Variants in TEX11 observed in about 807,000 individuals in gnomAD.
TEX11 encodes the protein testis expressed 11.
TEX11 carries 7 observed loss-of-function variants against 84.4 expected under a neutral mutation model. That is an observed-to-expected ratio of 0.08 (90% CI 0.05 to 0.16). The LOEUF (loss-of-function observed/expected upper bound fraction) is 0.16. Among genes scored for constraint, TEX11 ranks in the 10% least tolerant of loss-of-function variants. The probability of loss-of-function intolerance (pLI) is 1.00; values close to 1 mark genes in which losing one functional copy is unlikely to be tolerated. For synonymous variants in TEX11, 264 were observed against 222.8 expected (o/e 1.18, Z -1.64); for missense variants, 551 against 660.5 (o/e 0.83, Z 1.82).
chrX:70,569,226 G>A (rs867631592), intron 25 of TEX11, among the ~76,000 whole-genome samples: 2 of 111,589 alleles, frequency 1.8e-5, no homozygotes, highest in East Asian at 2.8e-4. Context: ...CATTCTTCAC[G>A]TAGTTCTTGA....
intron 25 of TEX11, among the ~76,000 whole-genome samples, chrX:70,589,301 T>G (rs1230929817): frequency 9.2e-6 from 1 of 109,093 alleles, no homozygotes; most frequent in African/African-American, 3.3e-5. Flanking sequence ...ACTCTGAAGA[T>G]TGCCTGAAGT....
intron 9 of TEX11, among the ~76,000 whole-genome samples, chrX:70,805,467 A>G (rs750431704): frequency 9.4e-6 from 1 of 105,944 alleles, no homozygotes; most frequent in South Asian, 4.2e-4. Context: ...GCGGTGCGAT[A>G]TCGGCTCACT....
intron 13 of TEX11, among the ~76,000 whole-genome samples, chrX:70,684,287 T>C (rs774771392): frequency 8.9e-6 from 1 of 112,550 alleles, no homozygotes; most frequent in Non-Finnish European, 1.9e-5. Context: ...TACAATAGCA[T>C]CAAAAATATA....
intron 24 of TEX11, among the ~76,000 whole-genome samples, chrX:70,601,437 G>A (rs2089107810): frequency 1.0e-5 from 1 of 97,851 alleles, no homozygotes; most frequent in South Asian, 5.5e-4. Context: ...TCTACCAGAG[G>A]TACAAGGAGG....
chrX:70,823,934 C>T (rs1458214933), intron 8 of TEX11, among the ~76,000 whole-genome samples: 1 of 111,431 alleles, frequency 9.0e-6, no homozygotes, highest in Non-Finnish European at 1.9e-5. Context: ...GCAGGAGAAT[C>T]ACTTAAATCT....
At chrX:70,650,383 A>T (rs1480198491) in intron 17 of TEX11, among the ~76,000 whole-genome samples, 1 of 111,961 alleles carries the variant, frequency 8.9e-6, no homozygotes, top group Non-Finnish European at 1.9e-5. Context: ...AAAGTAAAAT[A>T]ATTTTTAAAA....
At chrX:70,840,844 A>T (rs1165893187) in intron 7 of TEX11, among the ~76,000 whole-genome samples, 21 of 111,504 alleles carry the variant, frequency 1.9e-4, no homozygotes, top group African/African-American at 6.8e-4. Context: ...TCTCTGCTAA[A>T]ACAGACTTTA....
At chrX:70,535,641 G>C (rs1168141950) in intron 28 of TEX11, among the ~76,000 whole-genome samples, 2 of 110,533 alleles carry the variant, frequency 1.8e-5, no homozygotes, top group Non-Finnish European at 3.8e-5. Context: ...TCAGCTACTT[G>C]GGAGGCTGAG....
At chrX:70,611,469 C>T (rs987065177) in intron 20 of TEX11, among the ~76,000 whole-genome samples, 3 of 112,084 alleles carry the variant, frequency 2.7e-5, no homozygotes, top group Admixed American at 9.4e-5. Context: ...TTAAAAGACT[C>T]AGGAGGACCC....
intron 25 of TEX11, among the ~76,000 whole-genome samples, chrX:70,589,415 CTCTA>C (rs1293852244): frequency 2.8e-5 from 3 of 106,154 alleles, no homozygotes; most frequent in African/African-American, 1.0e-4. Context: ...AGGCATTTAT[CTCTA>C]TCTCACTATA....
Position 70,789,524 on chromosome X carries a change from G to A in TEX11, c.692+17181C>T, listed in dbSNP as rs886571957. ...CGATAATCACTTGAACCCTGGAGGC[G>A]GAGGTTGAAGTGAGCCGAGAGCAAG... On this transcript the variant is annotated intron_variant, in intron 9 of 29. Transcript: ENST00000374333. Among the ~76,000 whole-genome samples the A allele has an allele frequency of 1.1e-4, 12 of 111,746 alleles. No individual in the cohort carries two copies. The Admixed American group carries it at 1.1e-3, about 11-fold the overall frequency.
At position 70,734,299 on chromosome X, in the gene TEX11, A is replaced by G. The variant is rs1234508132; in HGVS notation, c.843+6402T>C. 2.8e-5 allele frequency among the ~76,000 whole-genome samples: 3 copies of G among 107,369 alleles called. No homozygotes were observed. The Admixed American group carries it at 2.9e-4, about 10-fold the overall frequency. The allele number at this position is 107,369 out of a possible 115,157, so 93.2% of individuals were successfully genotyped here. On this transcript the variant is annotated intron_variant, in intron 11 of 29. Coordinates refer to ENST00000374333, the MANE Select transcript of TEX11 (RefSeq NM_031276.3). Reference sequence around the variant, plus strand: ...GCACATGTACCCTAAAACTTAAAGTATAATTTAAAAAAAAAGAAAAAAAAA... The same window carrying G: ...GCACATGTACCCTAAAACTTAAAGTGTAATTTAAAAAAAAAGAAAAAAAAA...
intron 7 of TEX11, among the ~76,000 whole-genome samples, chrX:70,838,407 A>G (rs1431579850): frequency 8.9e-6 from 1 of 112,135 alleles, no homozygotes; most frequent in African/African-American, 3.2e-5. Flanking sequence ...TGGGCAACGG[A>G]GCAAGACTTG....
intron 2 of TEX11, among the ~76,000 whole-genome samples, chrX:70,886,397 T>C (rs1230766236): frequency 9.0e-6 from 1 of 111,506 alleles, no homozygotes; most frequent in Non-Finnish European, 1.9e-5. Flanking sequence ...GTCAAATTCA[T>C]AGAACCAAAG....
chrX:70,566,988 C>A (rs2088493112), intron 25 of TEX11, among the ~76,000 whole-genome samples: 1 of 111,481 alleles, frequency 9.0e-6, no homozygotes. Flanking sequence ...GGTACCGGTT[C>A]CTCCTTGTAC....
intron 13 of TEX11, among the ~76,000 whole-genome samples, chrX:70,692,468 A>C (rs1384533691): frequency 9.0e-6 from 1 of 110,585 alleles, no homozygotes; most frequent in Non-Finnish European, 1.9e-5. Flanking sequence ...CCACCATTCT[A>C]TTCTGTTTCT....
At chrX:70,716,907 C>T (rs1028939602) in intron 13 of TEX11, among the ~76,000 whole-genome samples, 1 of 112,472 alleles carries the variant, frequency 8.9e-6, no homozygotes, top group African/African-American at 3.2e-5. Context: ...TGTTCCTATT[C>T]AGCCATCTTG....
intron 17 of TEX11, among the ~76,000 whole-genome samples, chrX:70,631,993 T>C (rs1231457966): frequency 1.1e-5 from 1 of 88,181 alleles, no homozygotes; most frequent in Non-Finnish European, 2.2e-5. Flanking sequence ...TTCTGTTTAA[T>C]ATTAGATGAG....
intron 15 of TEX11, among the ~76,000 whole-genome samples, chrX:70,672,412 A>G (rs938868876): frequency 1.8e-5 from 2 of 112,202 alleles, no homozygotes; most frequent in East Asian, 5.6e-4. Flanking sequence ...GGGCAAGTTT[A>G]ACATTTTAGA....
Sources: gnomAD v4.1 joint callset for allele counts (sites outside exome capture counted in the v4.1 genomes callset) on GRCh38, gnomAD v4.1.1 for gene constraint, MANE v1.5 for transcripts, NCBI Gene and HGNC (gene_info 2026-07-23, HGNC 2026-07-21) for gene names.